APLF: variants seen among roughly 807,000 people sequenced by gnomAD.
The protein encoded by APLF is aprataxin and PNKP like factor.
Under a neutral mutation model 55.6 loss-of-function variants are expected in APLF, and 61 were observed. The ratio of observed to expected loss-of-function variants is 1.10; its 90% CI spans 0.89 to 1.36. The LOEUF is 1.36. Among genes scored for constraint, APLF ranks in the 40% most tolerant of loss-of-function variants. APLF has a pLI of 0.00. For synonymous variants in APLF, 207 were observed against 214.8 expected (o/e 0.96, Z 0.32); for missense variants, 611 against 602.5 (o/e 1.01, Z -0.15).
chr2:68,559,221 T>C (rs1573263701), intron 8 of APLF, among the ~76,000 whole-genome samples: 1 of 152,216 alleles, frequency 6.6e-6, no homozygotes, highest in African/African-American at 2.4e-5. Context: ...TGTGGAGAGA[T>C]CTAGAGCAGA....
At chr2:68,548,401 T>C (rs565419115) in intron 8 of APLF, among the ~76,000 whole-genome samples, 39 of 152,060 alleles carry the variant, frequency 2.6e-4, no homozygotes, top group African/African-American at 9.4e-4. Context: ...TAAATTGCTA[T>C]TGCTTTTTGC....
At position 68,515,607 on chromosome 2, in the gene APLF, C is replaced by T. The variant is rs1027163292; in HGVS notation, c.622+1927C>T. On this transcript the variant is annotated intron_variant, in intron 5 of 9. Transcript: ENST00000303795. ...TAGATGTCCCACATAAAATATGAAG[C>T]ACGTTTTTGGGCACTTCTCTTTGAA... The T allele has an allele frequency of 3.0e-6, 3 of 984,832 alleles. No homozygotes were observed. In the African/African-American group the frequency reaches 5.2e-5, roughly 17 times the overall value. The allele number at this position is 984,832 out of a possible 1,614,324, so 61.0% of individuals were successfully genotyped here. A position where few individuals can be genotyped will look rare whatever the true frequency, so the allele number is the denominator to read the frequency against.
intron 2 of APLF, among the ~76,000 whole-genome samples, chr2:68,494,308 GA>G (rs1158203729): frequency 1.6e-5 from 2 of 128,322 alleles, no homozygotes; most frequent in East Asian, 4.5e-4. Flanking sequence ...AAAAAGAAAA[GA>G]AAAAAGATTT....
At chr2:68,487,247 C>G (rs1384884657) in intron 1 of APLF, among the ~76,000 whole-genome samples, 1 of 152,086 alleles carries the variant, frequency 6.6e-6, no homozygotes, top group Non-Finnish European at 1.5e-5. Context: ...TGCCTTATTT[C>G]CAGTTCTTTA....
chr2:68,513,963 A>G (rs981630143), intron 5 of APLF, among the ~76,000 whole-genome samples: 46 of 151,854 alleles, frequency 3.0e-4, no homozygotes, highest in African/African-American at 8.7e-4. Context: ...TCTTGGTGCT[A>G]TGTCTAGGAT....
At chr2:68,485,705 T>C (rs1676142738) in intron 1 of APLF, among the ~76,000 whole-genome samples, 1 of 152,002 alleles carries the variant, frequency 6.6e-6, no homozygotes, top group Admixed American at 6.6e-5. Context: ...CATTCTTTTA[T>C]AAAGAAATGC....
intron 1 of APLF, among the ~76,000 whole-genome samples, chr2:68,483,635 A>G (rs1186040985): frequency 6.6e-6 from 1 of 152,180 alleles, no homozygotes; most frequent in African/African-American, 2.4e-5. Flanking sequence ...AAAGTATTAT[A>G]TAATTATCTT....
At chr2:68,546,351 C>A (rs1474851449) in intron 8 of APLF, among the ~76,000 whole-genome samples, 1 of 151,910 alleles carries the variant, frequency 6.6e-6, no homozygotes, top group African/African-American at 2.4e-5. Flanking sequence ...AAAGAAGAAG[C>A]ACTTCATTTT....
At chr2:68,518,193 T>G (rs1669702480) in intron 5 of APLF, among the ~76,000 whole-genome samples, 1 of 122,822 alleles carries the variant, frequency 8.1e-6, no homozygotes, top group Non-Finnish European at 1.6e-5. Context: ...CAATATATAT[T>G]ACTAATATAT....
chr2:68,565,500 C>T (rs774753953), intron 8 of APLF, among the ~76,000 whole-genome samples: 1 of 140,898 alleles, frequency 7.1e-6, no homozygotes, highest in East Asian at 1.9e-4. Flanking sequence ...GTTAGATAGA[C>T]AGATAGACAG....
At chr2:68,537,055 C>A (rs1670411403) in intron 6 of APLF, among the ~76,000 whole-genome samples, 1 of 151,788 alleles carries the variant, frequency 6.6e-6, no homozygotes, top group South Asian at 2.1e-4. Flanking sequence ...ATCCCAGCTA[C>A]TCGGGAGCCT....
At chr2:68,546,247 G>C (rs781693660) in intron 8 of APLF, among the ~76,000 whole-genome samples, 10 of 152,020 alleles carry the variant, frequency 6.6e-5, no homozygotes. Flanking sequence ...CAAAAATTGA[G>C]TTAATATAAG....
chr2:68,578,840 G>C lies in APLF; in HGVS notation c.*818G>C. On this transcript the variant is annotated 3_prime_UTR_variant, in exon 10 of 10. Coordinates refer to ENST00000303795, the MANE Select transcript of APLF (RefSeq NM_173545.3). ...TGCCTTAGTTTTTTTGACCTCAGAT[G>C]AAAGTAGCAAGTTGTTTGCCAGTTG... is the stretch of plus-strand genomic sequence containing the variant. 1 of 985,258 alleles carries C rather than the reference G, an allele frequency of 1.0e-6. No individual in the cohort carries two copies. Among genetic ancestry groups the C allele is most frequent in the Non-Finnish European group, 1.2e-6 (1 of 829,860 alleles). The allele number at this position is 985,258 out of a possible 1,614,324, so 61.0% of individuals were successfully genotyped here. A position where few individuals can be genotyped will look rare whatever the true frequency, so the allele number is the denominator to read the frequency against.
chr2:68,513,075 T>G lies in APLF; in HGVS notation c.342-5T>G. The G allele has an allele frequency of 6.3e-7, 1 of 1,596,386 alleles. No individual in the cohort carries two copies. The highest frequency in any genetic ancestry group is 1.1e-5 in the South Asian group (1 of 88,472). On this transcript the variant is annotated splice_polypyrimidine_tract_variant and splice_region_variant and intron_variant, in intron 3 of 9. Transcript: ENST00000303795. ...TTAAAGACCAGTTTCTATTTTATCT[T>G]ATAGAAACAGTCAAGTGCTTGATGA...
chr2:68,565,236 A>G (rs948620522), intron 8 of APLF, among the ~76,000 whole-genome samples: 4 of 152,094 alleles, frequency 2.6e-5, no homozygotes, highest in Non-Finnish European at 5.9e-5. Flanking sequence ...TCTTGGTTTT[A>G]TCAAGTAATT....
At chr2:68,525,855 T>G (rs1238019762) in intron 5 of APLF, among the ~76,000 whole-genome samples, 1 of 150,956 alleles carries the variant, frequency 6.6e-6, no homozygotes. Flanking sequence ...GTTCAAGTGA[T>G]TCTTATGCCT....
At chr2:68,534,554 T>C in intron 6 of APLF, among the ~76,000 whole-genome samples, 1 of 152,112 alleles carries the variant, frequency 6.6e-6, no homozygotes, top group East Asian at 1.9e-4. Context: ...GCTATTTTAA[T>C]AGCCTTAATA....
intron 1 of APLF, among the ~76,000 whole-genome samples, chr2:68,479,167 C>T (rs1675874230): frequency 6.6e-6 from 1 of 152,066 alleles, no homozygotes; most frequent in South Asian, 2.1e-4. Context: ...TTTTAAGGCT[C>T]ATTATACACA....
intron 1 of APLF, among the ~76,000 whole-genome samples, chr2:68,484,049 A>C (rs1231530148): frequency 6.6e-6 from 1 of 152,160 alleles, no homozygotes; most frequent in East Asian, 1.9e-4. Context: ...AATTTTGAGA[A>C]TTGCAGTCAA....
Sources: gnomAD v4.1 joint callset for allele counts (sites outside exome capture counted in the v4.1 genomes callset) on GRCh38, gnomAD v4.1.1 for gene constraint, MANE v1.5 for transcripts, NCBI Gene and HGNC (gene_info 2026-07-23, HGNC 2026-07-21) for gene names.